Variants in ABLIM3 observed in about 807,000 individuals in gnomAD.
ABLIM3 encodes actin-binding LIM protein 3.
ABLIM3 carries 61 observed loss-of-function variants against 109.5 expected under a neutral mutation model. That is an observed-to-expected ratio of 0.56 (90% CI 0.45 to 0.69). The LOEUF (loss-of-function observed/expected upper bound fraction) is 0.69. Among genes scored for constraint, ABLIM3 ranks in the 30% least tolerant of loss-of-function variants. The pLI is 0.00. For synonymous variants in ABLIM3, 300 were observed against 324.8 expected (o/e 0.92, Z 0.82); for missense variants, 796 against 889.5 (o/e 0.89, Z 1.34).
chr5:149,221,143 G>A (rs1191667366), intron 8 of ABLIM3, among the ~76,000 whole-genome samples: 1 of 152,204 alleles, frequency 6.6e-6, no homozygotes, highest in Admixed American at 6.5e-5. Context: ...AGGCTGAAAA[G>A]GGCAGGAAGA....
intron 2 of ABLIM3, among the ~76,000 whole-genome samples, chr5:149,177,477 C>T (rs547175413): frequency 3.3e-4 from 51 of 152,316 alleles, no homozygotes; most frequent in African/African-American, 1.2e-3. Context: ...ACCCCTCTTC[C>T]TCACACAGGG....
intron 9 of ABLIM3, among the ~76,000 whole-genome samples, chr5:149,232,999 G>A (rs997819308): frequency 1.1e-4 from 16 of 152,130 alleles, no homozygotes; most frequent in African/African-American, 2.7e-4. Flanking sequence ...CTGCAAATAC[G>A]TAGAAAATAA....
intron 2 of ABLIM3, among the ~76,000 whole-genome samples, chr5:149,172,598 T>C (rs1398550818): frequency 2.0e-5 from 3 of 152,298 alleles, no homozygotes; most frequent in East Asian, 3.9e-4. Flanking sequence ...CATCTATCTG[T>C]CTGGATGCAG....
chr5:149,188,184 A>G (rs570833974), intron 3 of ABLIM3, among the ~76,000 whole-genome samples: 1 of 152,322 alleles, frequency 6.6e-6, no homozygotes, highest in Admixed American at 6.5e-5. Flanking sequence ...AAGGAAGAAA[A>G]TGAAATAAAA....
At chr5:149,257,074 G>A (rs1754497157) in intron 23 of ABLIM3, among the ~76,000 whole-genome samples, 1 of 152,264 alleles carries the variant, frequency 6.6e-6, no homozygotes, top group Non-Finnish European at 1.5e-5. Context: ...AGAGGCTGAG[G>A]AGGGCAGATT....
At chr5:149,150,938 A>G (rs909011099) in intron 2 of ABLIM3, among the ~76,000 whole-genome samples, 4 of 152,256 alleles carry the variant, frequency 2.6e-5, no homozygotes, top group Non-Finnish European at 5.9e-5. Context: ...GAGAAGAGAT[A>G]TAAAGAATAA....
Position 149,149,757 on chromosome 5 carries a change from G to T in ABLIM3, c.13+7649G>T, listed in dbSNP as rs1753258958. 3.3e-5 allele frequency among the ~76,000 whole-genome samples: 5 copies of T among 152,212 alleles called. No homozygotes were observed. The South Asian group carries it at 1.0e-3, about 32-fold the overall frequency. ...TAGGGTCTTGGCAGAGAACAGATTG[G>T]CAGTTTGAGAGGAGTTAAATGGAAG... is the stretch of plus-strand genomic sequence containing the variant. On this transcript the variant is annotated intron_variant, in intron 2 of 23. Coordinates refer to ENST00000309868, the MANE Select transcript of ABLIM3 (RefSeq NM_014945.5).
At chr5:149,143,810 G>A (rs548284920) in intron 2 of ABLIM3, among the ~76,000 whole-genome samples, 7 of 152,196 alleles carry the variant, frequency 4.6e-5, no homozygotes, top group African/African-American at 1.7e-4. Flanking sequence ...TCACATGTTT[G>A]CATTTGCATG....
intron 9 of ABLIM3, among the ~76,000 whole-genome samples, chr5:149,231,317 C>T (rs1359735233): frequency 6.6e-6 from 1 of 152,156 alleles, no homozygotes; most frequent in African/African-American, 2.4e-5. Flanking sequence ...GCTTGTGAAT[C>T]TGGGTTCCTG....
intron 11 of ABLIM3, among the ~76,000 whole-genome samples, chr5:149,237,907 C>A (rs569741861): frequency 4.3e-4 from 65 of 152,292 alleles, no homozygotes; most frequent in Non-Finnish European, 7.3e-4. Flanking sequence ...CCCTGTTAAT[C>A]CCAGCATTGA....
intron 2 of ABLIM3, among the ~76,000 whole-genome samples, chr5:149,161,815 A>G (rs1754395828): frequency 6.6e-6 from 1 of 152,088 alleles, no homozygotes; most frequent in Non-Finnish European, 1.5e-5. Context: ...ATTAGTACCA[A>G]GGAAAAAAGC....
In ABLIM3 at chr5:149,142,104, T is replaced by G; in HGVS notation, c.9T>G (p.Thr3=). Residue 3 remains threonine (T), a synonymous_variant, in exon 2 of 24, where the codon ACT becomes ACG. Coordinates refer to ENST00000309868, the MANE Select transcript of ABLIM3 (RefSeq NM_014945.5). MN[T]SIPYQQNPYN... The stretch of plus-strand genomic sequence containing the variant: ...AGTGCAAAGACATCACCATGAACAC[T>G]AGCAGTAAGTGGATCCTCCTCTCCT... 1 of 1,609,324 alleles carries G rather than the reference T, an allele frequency of 6.2e-7. No homozygotes were observed. Among genetic ancestry groups the G allele is most frequent in the South Asian group, 1.1e-5 (1 of 90,958 alleles).
chr5:149,236,869 G>T (rs769858306), intron 10 of ABLIM3, among the ~76,000 whole-genome samples: 2 of 152,232 alleles, frequency 1.3e-5, no homozygotes, highest in African/African-American at 4.8e-5. Flanking sequence ...GTTGTGAGTT[G>T]TATGGATGAA....
chr5:149,253,850 A>T (rs553234196), intron 23 of ABLIM3, among the ~76,000 whole-genome samples: 1 of 152,264 alleles, frequency 6.6e-6, no homozygotes, highest in South Asian at 2.1e-4. Context: ...TTAGTCTCTA[A>T]TGCGGCTAAT....
At chr5:149,252,979 A>C in intron 23 of ABLIM3, 142 bp downstream of exon 23, 1 of 623,842 alleles carries the variant, frequency 1.6e-6, no homozygotes, top group South Asian at 1.9e-5. Flanking sequence ...ACTTGAACCA[A>C]TTTCCTCAGC....
At chr5:149,207,258 G>T in intron 6 of ABLIM3, 124 bp downstream of exon 6, 1 of 1,392,868 alleles carries the variant, frequency 7.2e-7, no homozygotes, top group Non-Finnish European at 9.6e-7. Flanking sequence ...CTGCATTCTG[G>T]CCAAACAGCA....
chr5:149,154,047 AGGCCAGCAG>A (rs768045161), intron 2 of ABLIM3, among the ~76,000 whole-genome samples: 1 of 152,234 alleles, frequency 6.6e-6, no homozygotes, highest in Non-Finnish European at 1.5e-5. Flanking sequence ...TGCCCTCACC[AGGCCAGCAG>A]GGCCGATGAA....
chr5:149,185,213 G>A (rs1160735971), intron 3 of ABLIM3, among the ~76,000 whole-genome samples: 1 of 152,080 alleles, frequency 6.6e-6, no homozygotes, highest in African/African-American at 2.4e-5. Context: ...CCAGTTTCTA[G>A]CTCTGCTTAT....
intron 2 of ABLIM3, chr5:149,174,725 G>A (rs1005853739): frequency 1.3e-5 from 2 of 152,170 alleles, no homozygotes; most frequent in East Asian, 1.9e-4. Context: ...AACACCCTCT[G>A]GAAAGAGAGG....
Sources: allele counts gnomAD v4.1 joint callset (sites outside exome capture counted in the v4.1 genomes callset), GRCh38; gene constraint gnomAD v4.1.1; transcripts MANE v1.5; gene names NCBI Gene and HGNC (gene_info 2026-07-23, HGNC 2026-07-21).